The following C14orf39 variants were observed in gnomAD, a reference collection of about 807,000 sequenced individuals.
The protein encoded by C14orf39 is chromosome 14 open reading frame 39.
C14orf39 carries 66 observed loss-of-function variants against 85.6 expected under a neutral mutation model. The ratio of observed to expected loss-of-function variants is 0.77; its 90% CI spans 0.63 to 0.95. The LOEUF (loss-of-function observed/expected upper bound fraction) is 0.95, where lower values mean the gene tolerates loss of function less well. C14orf39 is among the 40% of genes least tolerant of loss of function. The pLI, the probability that C14orf39 is intolerant of heterozygous loss-of-function variation, is 0.00. For synonymous variants in C14orf39, 242 were observed against 214.0 expected, an observed-to-expected ratio of 1.13 and a Z score of -1.14; for missense variants, 735 against 663.9, an observed-to-expected ratio of 1.11 and a Z score of -1.18.
At chr14:60,512,214 T>C (rs903367045) in intron 1 of C14orf39, 7 of 152,152 alleles carry the variant, frequency 4.6e-5, no homozygotes, top group Non-Finnish European at 1.0e-4. Context: ...AGGAGCAATT[T>C]AGGAAGCCAA....
intron 16 of C14orf39, among the ~76,000 whole-genome samples, chr14:60,449,024 T>G (rs1001845770): frequency 6.6e-6 from 1 of 151,080 alleles, no homozygotes; most frequent in East Asian, 1.9e-4. Context: ...CATTACATAC[T>G]GGGGCCTGTC....
At chr14:60,451,979 G>A (rs1425200329) in intron 16 of C14orf39, among the ~76,000 whole-genome samples, 2 of 150,888 alleles carry the variant, frequency 1.3e-5, no homozygotes, top group South Asian at 2.1e-4. Flanking sequence ...TCAGGAGATC[G>A]AGACCATCCT....
intron 16 of C14orf39, among the ~76,000 whole-genome samples, chr14:60,445,041 C>T (rs974722670): frequency 3.9e-5 from 6 of 152,072 alleles, no homozygotes; most frequent in African/African-American, 1.2e-4. Context: ...CACCACCAGG[C>T]CTGCCTTACA....
At chr14:60,497,627 G>C (rs1157907631) in intron 2 of C14orf39, among the ~76,000 whole-genome samples, 1 of 152,184 alleles carries the variant, frequency 6.6e-6, no homozygotes, top group Non-Finnish European at 1.5e-5. Context: ...TGTAATCCTA[G>C]TACTTTGGGA....
At position 60,465,961 on chromosome 14, in the gene C14orf39, T is replaced by A; in HGVS notation, c.972+18A>T. On this transcript the variant is annotated intron_variant, in intron 11 of 17. Coordinates refer to ENST00000321731, the MANE Select transcript of C14orf39 (RefSeq NM_174978.3). Reference sequence around the variant, plus strand: ...CAAGCAGGTATTTAATTTATACTACTAAAAGTGAGACACCTACCTGTGTAT... The same window carrying A: ...CAAGCAGGTATTTAATTTATACTACAAAAAGTGAGACACCTACCTGTGTAT... The A allele has an allele frequency of 6.9e-7, 1 of 1,449,714 alleles. No individual in the cohort carries two copies. The highest frequency in any genetic ancestry group is 9.3e-7 in the Non-Finnish European group (1 of 1,071,982). 89.8% of individuals were successfully genotyped at this position (1,449,714 alleles called of 1,614,324 possible).
At chr14:60,438,138 A>G (rs1317428601) in intron 17 of C14orf39, among the ~76,000 whole-genome samples, 2 of 151,976 alleles carry the variant, frequency 1.3e-5, no homozygotes, top group Admixed American at 6.6e-5. Context: ...AATGTTTCAT[A>G]AATTTTTTAA....
At chr14:60,467,640 T>C (rs1317674340) in intron 9 of C14orf39, among the ~76,000 whole-genome samples, 1 of 151,824 alleles carries the variant, frequency 6.6e-6, no homozygotes, top group Non-Finnish European at 1.5e-5. Context: ...TAAAATTCTG[T>C]CTATTTACCT....
intron 1 of C14orf39, 148 bp from the exon 2 acceptor site, chr14:60,485,234 CA>C: frequency 1.5e-6 from 1 of 677,770 alleles, no homozygotes; most frequent in Non-Finnish European, 2.4e-6. Flanking sequence ...CCCTTGAGCC[CA>C]TGGCGACATT....
At chr14:60,497,415 A>T (rs1198410511) in intron 2 of C14orf39, among the ~76,000 whole-genome samples, 1 of 151,966 alleles carries the variant, frequency 6.6e-6, no homozygotes, top group African/African-American at 2.4e-5. Flanking sequence ...ACTCCTTGGC[A>T]TTCGAAACAA....
At position 60,511,550 on chromosome 14, in the gene C14orf39, A is replaced by G. The variant is rs886050565; in HGVS notation, c.-144+3845T>C. ...AGTCTCCTTCGGAACCCGAACTGCA[A>G]GCTGAGCGCCTGCCCAGATTCTCCC... is the stretch of plus-strand genomic sequence containing the variant. On this transcript the variant is annotated intron_variant, in intron 1 of 5. Coordinates refer to the C14orf39 transcript ENST00000556799. 1.1e-5 allele frequency: 6 copies of G among 544,924 alleles called. No individual in the cohort carries two copies. The East Asian group carries it at 1.9e-4, about 18-fold the overall frequency. The allele number at this position is 544,924 out of a possible 1,614,324, so 33.8% of individuals were successfully genotyped here.
At chr14:60,481,921 T>A (rs1024575245) in intron 4 of C14orf39, among the ~76,000 whole-genome samples, 1 of 152,232 alleles carries the variant, frequency 6.6e-6, no homozygotes, top group Non-Finnish European at 1.5e-5. Context: ...ATTTTTCTTT[T>A]TAATTTGTGT....
At chr14:60,475,092 T>C (rs1892306135) in intron 5 of C14orf39, among the ~76,000 whole-genome samples, 1 of 152,212 alleles carries the variant, frequency 6.6e-6, no homozygotes, top group Non-Finnish European at 1.5e-5. Context: ...GTTATTGGTC[T>C]ATTCAGAGAT....
At chr14:60,454,856 C>A in intron 16 of C14orf39, 145 bp downstream of exon 16, 1 of 539,006 alleles carries the variant, frequency 1.9e-6, no homozygotes, top group East Asian at 3.6e-5. Flanking sequence ...TAATAGGGAA[C>A]TTTGTCATAC....
At chr14:60,450,145 A>G (rs1326907034) in intron 16 of C14orf39, among the ~76,000 whole-genome samples, 2 of 152,220 alleles carry the variant, frequency 1.3e-5, no homozygotes, top group Non-Finnish European at 2.9e-5. Context: ...AGAAAAGCAG[A>G]GGAAAAAGTA....
At chr14:60,447,535 A>T (rs544616145) in intron 16 of C14orf39, among the ~76,000 whole-genome samples, 1 of 152,332 alleles carries the variant, frequency 6.6e-6, no homozygotes, top group African/African-American at 2.4e-5. Context: ...TGCTCAATGA[A>T]ATAAAAGAGG....
At chr14:60,480,454 C>T (rs996216387) in intron 4 of C14orf39, among the ~76,000 whole-genome samples, 1 of 152,100 alleles carries the variant, frequency 6.6e-6, no homozygotes, top group South Asian at 2.1e-4. Flanking sequence ...TGAATAACAA[C>T]AAGTGTTGGG....
chr14:60,483,942 G>A (rs1162519607), intron 3 of C14orf39, 125 bp from the exon 4 acceptor site: 5 of 632,274 alleles, frequency 7.9e-6, no homozygotes, highest in Non-Finnish European at 1.3e-5. Flanking sequence ...GAGAGGAAAC[G>A]AGGCTTGAGA....
intron 5 of C14orf39, among the ~76,000 whole-genome samples, chr14:60,473,181 C>T (rs373815810): frequency 6.6e-6 from 1 of 152,070 alleles, no homozygotes; most frequent in Non-Finnish European, 1.5e-5. Context: ...TTTCATGTGT[C>T]TTTTGGCTGC....
In C14orf39 at chr14:60,478,304, C is replaced by A; in HGVS notation, c.319G>T (p.Asp107Tyr). 6.6e-7 allele frequency: 1 copy of A among 1,518,146 alleles called. No homozygotes were observed. The highest frequency in any genetic ancestry group is 1.3e-5 in the South Asian group (1 of 79,852). 94.0% of individuals were successfully genotyped at this position (1,518,146 alleles called of 1,614,324 possible). ...FTVYQGTVEKDKEMYHDYICQ... is the reference protein window; with the variant it reads ...FTVYQGTVEKYKEMYHDYICQ... ...AACTTCATATAAGTACTATACTTGT[C>A]TTTTTCAACAGTTCCTTGATAAACA... The change falls in exon 5 of 18, where the codon GAC (aspartate) becomes TAC (tyrosine). Residue 107 changes from aspartate (D) to tyrosine (Y), a missense_variant. Asp to Tyr is a radical substitution (Grantham distance 160). Coordinates refer to ENST00000321731, the MANE Select transcript of C14orf39 (RefSeq NM_174978.3).
Sources: gnomAD v4.1 joint callset for allele counts (sites outside exome capture counted in the v4.1 genomes callset) on GRCh38, gnomAD v4.1.1 for gene constraint, MANE v1.5 for transcripts, NCBI Gene and HGNC (gene_info 2026-07-23, HGNC 2026-07-21) for gene names.